The following VPS8 variants were observed in gnomAD, a reference collection of about 807,000 sequenced individuals.
VPS8 encodes VPS8 subunit of CORVET complex, also known as vacuolar protein sorting-associated protein 8 homolog.
A neutral mutation model predicts 216.4 loss-of-function variants in VPS8; 129 were observed. The observed-to-expected ratio is 0.60, with a 90% CI of 0.52 to 0.69. The LOEUF (loss-of-function observed/expected upper bound fraction) is 0.69. Ranked by LOEUF, VPS8 falls within the 30% of genes least tolerant of loss-of-function variation. The pLI, the probability that VPS8 is intolerant of heterozygous loss-of-function variation, is 0.00. For missense variants in VPS8, 1,531 were observed against 1,683.5 expected, an observed-to-expected ratio of 0.91 and a Z score of 1.59; for synonymous variants, 571 against 565.4, an observed-to-expected ratio of 1.01 and a Z score of -0.14.
At chr3:185,050,843 A>AAAGG (rs1714070413) in intron 47 of VPS8, among the ~76,000 whole-genome samples, 1 of 152,022 alleles carries the variant, frequency 6.6e-6, no homozygotes, top group African/African-American at 2.4e-5. Flanking sequence ...CCTCCATGTG[A>AAAGG]GCCTACACAG....
chr3:184,923,982 G>T (rs189009758), intron 29 of VPS8, among the ~76,000 whole-genome samples: 74 of 152,252 alleles, frequency 4.9e-4, no homozygotes, highest in African/African-American at 1.3e-3. Flanking sequence ...TTTTATTTAA[G>T]ATGTTATGTC....
chr3:185,037,901 C>T (rs1353706758), intron 46 of VPS8, among the ~76,000 whole-genome samples: 1 of 152,018 alleles, frequency 6.6e-6, no homozygotes, highest in Non-Finnish European at 1.5e-5. Flanking sequence ...TCCTTTAGTT[C>T]TGTGAGGATA....
chr3:184,832,188 T>C (rs965083571), intron 3 of VPS8, among the ~76,000 whole-genome samples: 7 of 152,282 alleles, frequency 4.6e-5, no homozygotes, highest in African/African-American at 1.4e-4. Flanking sequence ...ACTACTACTT[T>C]TCCCATGGAC....
intron 39 of VPS8, among the ~76,000 whole-genome samples, chr3:184,967,564 A>T (rs919639654): frequency 3.3e-5 from 5 of 152,124 alleles, no homozygotes; most frequent in African/African-American, 1.2e-4. Context: ...GTGGCCAGGC[A>T]TGGTGGCTCA....
At chr3:184,886,965 C>G (rs1731391551) in intron 22 of VPS8, among the ~76,000 whole-genome samples, 1 of 152,156 alleles carries the variant, frequency 6.6e-6, no homozygotes, top group East Asian at 1.9e-4. Flanking sequence ...TTATGCAGTA[C>G]TATTTTTTGT....
chr3:184,836,476 A>G, intron 5 of VPS8: 2 of 352,420 alleles, frequency 5.7e-6, no homozygotes, highest in East Asian at 1.5e-4. Context: ...TCTGTTATTT[A>G]AAAGGAGTTC....
In VPS8 at chr3:184,875,282, C is replaced by A. The variant is rs144638005; in HGVS notation, c.1734+4477C>A. Reference sequence around the variant, plus strand: ...TCTTTACCCTTGGTGAGGAACCTCACCTTTTCCTTAGAGTCAGAATATGTA... The same window carrying A: ...TCTTTACCCTTGGTGAGGAACCTCAACTTTTCCTTAGAGTCAGAATATGTA... On this transcript the variant is annotated intron_variant, in intron 21 of 47. Coordinates refer to ENST00000625842, the MANE Select transcript of VPS8 (RefSeq NM_001009921.3). 1.1e-3 allele frequency among the ~76,000 whole-genome samples: 161 copies of A among 152,080 alleles called. 1 individual carries two copies. The highest frequency in any genetic ancestry group is 3.8e-3 in the African/African-American group (156 of 41,486).
At chr3:185,021,386 C>T (rs907901112) in intron 45 of VPS8, among the ~76,000 whole-genome samples, 6 of 152,184 alleles carry the variant, frequency 3.9e-5, no homozygotes, top group Admixed American at 3.9e-4. Context: ...CTGACTTAAT[C>T]TCTAGAGAAC....
At chr3:184,882,825 A>G (rs924629404) in intron 21 of VPS8, among the ~76,000 whole-genome samples, 1 of 152,064 alleles carries the variant, frequency 6.6e-6, no homozygotes, top group Non-Finnish European at 1.5e-5. Flanking sequence ...CTTCATGTAA[A>G]TTGTCAAATT....
At chr3:184,870,502 G>C (rs1439494397) in intron 20 of VPS8, among the ~76,000 whole-genome samples, 1 of 152,158 alleles carries the variant, frequency 6.6e-6, no homozygotes, top group Non-Finnish European at 1.5e-5. Flanking sequence ...AGAACATGGA[G>C]ATATTTCTTA....
In VPS8 at chr3:184,979,627, C is replaced by T. The variant is rs150888788; in HGVS notation, c.3421-2939C>T. ...TGAAATTAGAATAGCAACCCCTGCT[C>T]TTTTTTATTTTTTTGTTTGCTTGGT... On this transcript the variant is annotated intron_variant, in intron 40 of 47. Transcript: ENST00000625842. Among the ~76,000 whole-genome samples the T allele has an allele frequency of 3.2e-3, 488 of 152,180 alleles. 6 individuals are homozygous for T. Among genetic ancestry groups the T allele is most frequent in the African/African-American group, 0.011 (461 of 41,528 alleles).
chr3:184,838,353 A>G (rs1227403350), intron 5 of VPS8, among the ~76,000 whole-genome samples: 1 of 152,164 alleles, frequency 6.6e-6, no homozygotes, highest in Non-Finnish European at 1.5e-5. Context: ...ACTTTTCTCA[A>G]ATCTTTATGT....
At chr3:184,825,074 T>C in intron 2 of VPS8, 1 of 320,452 alleles carries the variant, frequency 3.1e-6, no homozygotes, top group Non-Finnish European at 6.1e-6. Context: ...CCCGCCTAAT[T>C]TTTAATTTTT....
chr3:184,985,852 C>T (rs900489429), intron 42 of VPS8, among the ~76,000 whole-genome samples: 1 of 151,846 alleles, frequency 6.6e-6, no homozygotes, highest in Non-Finnish European at 1.5e-5. Context: ...GAGAAGGAGA[C>T]GAATGTAGTA....
Position 184,870,745 on chromosome 3 carries a change from T to C in VPS8, c.1674T>C (p.Asp558=). 1 of 1,612,566 alleles carries C rather than the reference T, an allele frequency of 6.2e-7. No homozygotes were observed. Among genetic ancestry groups the C allele is most frequent in the Non-Finnish European group, 8.5e-7 (1 of 1,179,236 alleles). Residue 558 remains aspartate, a synonymous_variant, in exon 21 of 48, where the codon GAT becomes GAC. Transcript: ENST00000625842. ...TAGAAATCCTATTCCATTATGCAGA[T>C]CGAGCTCTGAAAAAGTGCCCAGACC... The part of the protein sequence containing the change: ...RMVEILFHYA[D]RALKKCPDQG...
At chr3:184,985,273 G>A (rs1402291006) in intron 42 of VPS8, among the ~76,000 whole-genome samples, 1 of 152,152 alleles carries the variant, frequency 6.6e-6, no homozygotes, top group Non-Finnish European at 1.5e-5. Flanking sequence ...CCTATCATTA[G>A]CAGCAGAACC....
intron 46 of VPS8, among the ~76,000 whole-genome samples, chr3:185,036,591 T>C (rs1758928427): frequency 6.6e-6 from 1 of 152,036 alleles, no homozygotes; most frequent in Non-Finnish European, 1.5e-5. Context: ...GTTTTTTTTT[T>C]TAGTGGTGGC....
intron 44 of VPS8, 133 bp downstream of exon 44, chr3:184,996,634 CTTACA>C: frequency 9.8e-7 from 1 of 1,018,246 alleles, no homozygotes; most frequent in South Asian, 2.1e-5. Flanking sequence ...CCTCACAGAC[CTTACA>C]TTCTGCATTG....
Position 184,920,159 on chromosome 3 carries a change from T to C in VPS8, c.2415T>C (p.Ala805=). The C allele has an allele frequency of 6.6e-7, 1 of 1,526,458 alleles. No homozygotes were observed. The highest frequency in any genetic ancestry group is 8.8e-7 in the Non-Finnish European group (1 of 1,138,256). 94.6% of individuals were successfully genotyped at this position (1,526,458 alleles called of 1,614,324 possible). Residue 805 remains alanine, a synonymous_variant, in exon 29 of 48, where the codon GCT becomes GCC. Coordinates refer to ENST00000625842, the MANE Select transcript of VPS8 (RefSeq NM_001009921.3). ...TFEDFKNDKQ[A]VEYQQRIVDI... is the part of the protein sequence containing the mutation. ...AAGATTTTAAAAATGACAAGCAAGC[T>C]GTGGAATATCAACAGCGAATTGTGG...
Sources: allele counts gnomAD v4.1 joint callset (sites outside exome capture counted in the v4.1 genomes callset), GRCh38; gene constraint gnomAD v4.1.1; transcripts MANE v1.5; gene names NCBI Gene and HGNC (gene_info 2026-07-23, HGNC 2026-07-21).